PCDHGB3: variants seen among roughly 807,000 people sequenced by gnomAD.
PCDHGB3 encodes protocadherin gamma subfamily B, 3.
Under a neutral mutation model 59.2 loss-of-function variants are expected in PCDHGB3, and 40 were observed. The observed-to-expected ratio is 0.68, with a 90% CI of 0.52 to 0.88. The LOEUF is 0.88. Among genes scored for constraint, PCDHGB3 ranks in the 40% least tolerant of loss-of-function variants. PCDHGB3 has a pLI of 0.00. For missense variants in PCDHGB3, 1,309 were observed against 1,187.9 expected, an observed-to-expected ratio of 1.10 and a Z score of -1.50; for synonymous variants, 581 against 503.6, an observed-to-expected ratio of 1.15 and a Z score of -2.06.
Position 141,371,156 on chromosome 5 carries a change from C to T in PCDHGB3, c.762C>T (p.Asn254=). ...QDMYRVNVAE[N]LPAGSSVLKV... ...TGTACAGGGTCAATGTTGCAGAGAA[C>T]CTGCCCGCTGGCTCCTCCGTATTAA... The change falls in exon 1 of 4, where the codon AAC becomes AAT. Residue 254 remains asparagine (N), a synonymous_variant. Transcript: ENST00000576222. 1 of 1,614,020 alleles carries T rather than the reference C, an allele frequency of 6.2e-7. No homozygotes were observed. The highest frequency in any genetic ancestry group is 8.5e-7 in the Non-Finnish European group (1 of 1,179,908).
chr5:141,476,306 C>T lies in PCDHGB3; in HGVS notation c.2416-18501C>T, dbSNP rs1011265476. The T allele has an allele frequency of 1.2e-6, 2 of 1,613,464 alleles. No homozygotes were observed. Among genetic ancestry groups the T allele is most frequent in the African/African-American group, 2.7e-5 (2 of 74,688 alleles). On this transcript the variant is annotated intron_variant, in intron 1 of 3. Transcript: ENST00000576222. The surrounding 1 kb of genome is among the most constrained non-coding windows in gnomAD (Gnocchi z 7.6). ...TTTGGATCTCGGTAGCCTCTCAGCCCGCAGGTTCCGGGTGGTGTCTGGAGC... is the reference window on the plus strand; with the variant it reads ...TTTGGATCTCGGTAGCCTCTCAGCCTGCAGGTTCCGGGTGGTGTCTGGAGC...
rs755178809 is a variant in PCDHGB3 at position 141,371,868 on chromosome 5, G to T, written c.1474G>T (p.Val492Leu). ...GPNGLVSYYI[V>L]ASDLEPRELS... is the part of the protein sequence containing the mutation. The stretch of plus-strand genomic sequence containing the variant: ...TAATGGCCTTGTCTCCTACTACATC[G>T]TGGCCAGTGACCTGGAGCCGCGGGA... The change falls in exon 1 of 4, where the codon GTG (valine) becomes TTG (leucine). Residue 492 changes from valine to leucine, a missense_variant. Physicochemically the swap from Val to Leu is conservative, Grantham distance 32. Coordinates refer to ENST00000576222, the MANE Select transcript of PCDHGB3 (RefSeq NM_018924.5). 5 of 1,613,392 alleles carry T rather than the reference G, an allele frequency of 3.1e-6. No homozygotes were observed. The highest frequency in any genetic ancestry group is 4.2e-6 in the Non-Finnish European group (5 of 1,179,910).
chr5:141,491,666 G>A lies in PCDHGB3; in HGVS notation c.2416-3141G>A, dbSNP rs373526771. 9.4e-5 allele frequency: 152 copies of A among 1,613,614 alleles called. No homozygotes were observed. The highest frequency in any genetic ancestry group is 1.2e-4 in the Non-Finnish European group (142 of 1,180,016). The stretch of plus-strand genomic sequence containing the variant: ...CTGGCGCTGGAGCCTGACGCCATCC[G>A]GTCCCGCTCTAATACGCTGCGGGAG... On this transcript the variant is annotated intron_variant, in intron 1 of 3. Coordinates refer to ENST00000576222, the MANE Select transcript of PCDHGB3 (RefSeq NM_018924.5). This position sits in a 1 kb window ranked among gnomAD's most constrained non-coding sequence, Gnocchi z 6.9.
intron 1 of PCDHGB3, among the ~76,000 whole-genome samples, chr5:141,462,264 G>A (rs966953621): frequency 1.3e-5 from 2 of 152,174 alleles, no homozygotes; most frequent in African/African-American, 4.8e-5. Context: ...CCAGCCTAAA[G>A]TGTATTGTTT....
At chr5:141,497,818 G>T (rs2099779657) in intron 2 of PCDHGB3, among the ~76,000 whole-genome samples, 1 of 152,194 alleles carries the variant, frequency 6.6e-6, no homozygotes, top group African/African-American at 2.4e-5. Context: ...AGAATTACAG[G>T]TGTGATCGCC....
At chr5:141,393,909 A>G (rs2092874602) in intron 1 of PCDHGB3, 1 of 1,613,980 alleles carries the variant, frequency 6.2e-7, no homozygotes, top group Non-Finnish European at 8.5e-7. Flanking sequence ...CGGGACAGTA[A>G]TTGCCTTCTT....
intron 2 of PCDHGB3, among the ~76,000 whole-genome samples, chr5:141,496,352 G>A (rs2099768243): frequency 2.0e-5 from 3 of 152,200 alleles, no homozygotes; most frequent in South Asian, 2.1e-4. Context: ...GAGTCTCAGA[G>A]CCCAGGGAGA....
Position 141,491,340 on chromosome 5 carries a change from C to T in PCDHGB3, c.2416-3467C>T, listed in dbSNP as rs772328241. The T allele has an allele frequency of 3.7e-6, 6 of 1,614,144 alleles. No individual in the cohort carries two copies. The Admixed American group carries it at 6.7e-5, about 18-fold the overall frequency. ...TTTACCTCATTGTGGCTCTAGCGAC[C>T]GTCAGTCTCTTATCCCTAGTCACCT... On this transcript the variant is annotated intron_variant, in intron 1 of 3. Transcript: ENST00000576222. This position sits in a 1 kb window ranked among gnomAD's most constrained non-coding sequence, Gnocchi z 6.9.
chr5:141,387,336 C>T (rs1351788377), intron 1 of PCDHGB3, among the ~76,000 whole-genome samples: 4 of 152,122 alleles, frequency 2.6e-5, no homozygotes, highest in African/African-American at 7.2e-5. Flanking sequence ...AATTACTGTA[C>T]TCTGAGACGG....
At chr5:141,394,096 G>C in intron 1 of PCDHGB3, 1 of 1,613,822 alleles carries the variant, frequency 6.2e-7, no homozygotes, top group African/African-American at 1.3e-5. Context: ...TCAGATCTAG[G>C]AACACCACCT....
At chr5:141,455,899 ATTTATTT>A (rs1441561749) in intron 1 of PCDHGB3, among the ~76,000 whole-genome samples, 5 of 148,258 alleles carry the variant, frequency 3.4e-5, no homozygotes, top group African/African-American at 1.2e-4. Context: ...TTATTTATTT[ATTTATTT>A]ATTTATTTTG....
rs1001912556 is a variant in PCDHGB3, at chr5:141,493,404, CTCTGCTGGGATTTTGCT to C, written c.2416-1391_2416-1375del. Among the ~76,000 whole-genome samples, 10 of 152,266 alleles carry C rather than the reference CTCTGCTGGGATTTTGCT, an allele frequency of 6.6e-5. No individual in the cohort carries two copies. Among genetic ancestry groups the C allele is most frequent in the Admixed American group, 6.5e-4 (10 of 15,298 alleles). On this transcript the variant is annotated intron_variant, in intron 1 of 3. Coordinates refer to ENST00000576222, the MANE Select transcript of PCDHGB3 (RefSeq NM_018924.5). The surrounding 1 kb of genome is among the most constrained non-coding windows in gnomAD (Gnocchi z 4.3). ...CTTGAGGACAGGAGAGGGGAGTTGCCTCTGCTGGGATTTTGCTTCTGCTGGGATGGGGCAAGGGTGGG... is the reference window on the plus strand; with the variant it reads ...CTTGAGGACAGGAGAGGGGAGTTGCCTCTGCTGGGATGGGGCAAGGGTGGG...
chr5:141,382,988 G>T (rs958046112), intron 1 of PCDHGB3: 2 of 1,613,090 alleles, frequency 1.2e-6, no homozygotes, highest in African/African-American at 2.7e-5. Context: ...TGGGCAGGAC[G>T]TATTCTCTAC....
At position 141,395,235 on chromosome 5, in the gene PCDHGB3, C is replaced by T. The variant is rs775441341; in HGVS notation, c.2415+22426C>T. 7 of 1,601,042 alleles carry T rather than the reference C, an allele frequency of 4.4e-6. No homozygotes were observed. In the South Asian group the frequency reaches 7.9e-5, roughly 18 times the overall value. ...ATATAAGAATGAAGCTGATCATGGT[C>T]AGGTGAGTTTAGTTCTTTGCTTGCT... On this transcript the variant is annotated intron_variant, in intron 1 of 3. Transcript: ENST00000576222.
Position 141,370,526 on chromosome 5 carries a change from C to G in PCDHGB3, c.132C>G (p.Gly44=). The G allele has an allele frequency of 6.2e-7, 1 of 1,613,860 alleles. No individual in the cohort carries two copies. The highest frequency in any genetic ancestry group is 8.5e-7 in the Non-Finnish European group (1 of 1,179,800). Reference sequence around the variant, plus strand: ...CTATTCCCGAGGAGCTGGACAGGGGCTCGCTGGTAGGGAACCTCGCCAAGG... The same window carrying G: ...CTATTCCCGAGGAGCTGGACAGGGGGTCGCTGGTAGGGAACCTCGCCAAGG... ...RYAIPEELDR[G]SLVGNLAKDL... The change falls in exon 1 of 4, where the codon GGC becomes GGG. Residue 44 remains glycine (G), a synonymous_variant. Coordinates refer to ENST00000576222, the MANE Select transcript of PCDHGB3 (RefSeq NM_018924.5).
At chr5:141,399,762 C>T (rs1415096807) in intron 1 of PCDHGB3, 4 of 1,613,352 alleles carry the variant, frequency 2.5e-6, no homozygotes, top group Non-Finnish European at 2.5e-6. Flanking sequence ...TGAGCCTGCG[C>T]GTGTTGGTGG....
Position 141,477,858 on chromosome 5 carries a change from C to T in PCDHGB3, c.2416-16949C>T. 2 of 1,613,572 alleles carry T rather than the reference C, an allele frequency of 1.2e-6. No individual in the cohort carries two copies. Among genetic ancestry groups the T allele is most frequent in the Non-Finnish European group, 1.7e-6 (2 of 1,179,842 alleles). ...GGTGGGAGCTCGGTGGAGATGCTGC[C>T]TCGAGGTACCTCAGCTGGCCACCTA... On this transcript the variant is annotated intron_variant, in intron 1 of 3. Transcript: ENST00000576222. This position sits in a 1 kb window ranked among gnomAD's most constrained non-coding sequence, Gnocchi z 4.9.
chr5:141,404,610 T>C lies in PCDHGB3; in HGVS notation c.2415+31801T>C, dbSNP rs1207198913. ...AATGTGTCATTGAGACTGTTTGTTTTGGACCAGAATGACAATGCCCCAGAA... is the reference window on the plus strand; with the variant it reads ...AATGTGTCATTGAGACTGTTTGTTTCGGACCAGAATGACAATGCCCCAGAA... On this transcript the variant is annotated intron_variant, in intron 1 of 3. Transcript: ENST00000576222. 1 of 1,614,130 alleles carries C rather than the reference T, an allele frequency of 6.2e-7. No homozygotes were observed. Among genetic ancestry groups the C allele is most frequent in the African/African-American group, 1.3e-5 (1 of 75,054 alleles).
chr5:141,372,205 T>C lies in PCDHGB3; in HGVS notation c.1811T>C (p.Leu604Pro), dbSNP rs750507972. The C allele has an allele frequency of 1.2e-6, 2 of 1,613,426 alleles. No homozygotes were observed. The highest frequency in any genetic ancestry group is 2.7e-5 in the African/African-American group (2 of 74,918). ...GCAGACTCGGGATACAACGCCTGGC[T>C]GTCCTACCACATTGTGCAGGCCAGC... ...VDADSGYNAW[L>P]SYHIVQASEP... The change falls in exon 1 of 4, where the codon CTG becomes CCG. Residue 604 changes from leucine to proline, a missense_variant. Leu to Pro is a moderately conservative substitution (Grantham distance 98, BLOSUM62 -3). Coordinates refer to ENST00000576222, the MANE Select transcript of PCDHGB3 (RefSeq NM_018924.5).
Sources: gnomAD v4.1 joint callset for allele counts (sites outside exome capture counted in the v4.1 genomes callset) on GRCh38, gnomAD v4.1.1 for gene constraint, Gnocchi (gnomAD v3.1) non-coding constraint, MANE v1.5 for transcripts, NCBI Gene and HGNC (gene_info 2026-07-23, HGNC 2026-07-21) for gene names.